The following ELMO1 variants were observed in gnomAD, a reference collection of about 807,000 sequenced individuals.
The protein encoded by ELMO1 is engulfment and cell motility protein 1.
A neutral mutation model predicts 98.9 loss-of-function variants in ELMO1; 26 were observed. That is an observed-to-expected ratio of 0.26 (90% CI 0.19 to 0.36). ELMO1 has a LOEUF of 0.36. Among genes scored for constraint, ELMO1 ranks in the 10% least tolerant of loss-of-function variants. The probability of loss-of-function intolerance (pLI) is 1.00; values close to 1 mark genes in which losing one functional copy is unlikely to be tolerated. For synonymous variants in ELMO1, 346 were observed against 346.0 expected (o/e 1.00, Z 0.00); for missense variants, 627 against 935.2 (o/e 0.67, Z 4.30).
At chr7:37,069,240 G>A (rs1469056591) in intron 15 of ELMO1, among the ~76,000 whole-genome samples, 4 of 151,586 alleles carry the variant, frequency 2.6e-5, no homozygotes, top group African/African-American at 4.9e-5. Context: ...AGAGACAAAA[G>A]GAATACATTA....
At chr7:37,327,301 C>T (rs1799869896) in intron 2 of ELMO1, among the ~76,000 whole-genome samples, 1 of 152,182 alleles carries the variant, frequency 6.6e-6, no homozygotes, top group African/African-American at 2.4e-5. Context: ...GTCAAGTTCA[C>T]CTTTGTAAAA....
Position 37,085,694 on chromosome 7 carries a change from G to A in ELMO1, c.1300+10925C>T, listed in dbSNP as rs569710436. Among the ~76,000 whole-genome samples the A allele has an allele frequency of 5.9e-5, 9 of 152,288 alleles. No individual in the cohort carries two copies. The East Asian group carries it at 1.4e-3, about 23-fold the overall frequency. On this transcript the variant is annotated intron_variant, in intron 15 of 21. Coordinates refer to ENST00000310758, the MANE Select transcript of ELMO1 (RefSeq NM_014800.11). ...CAAGCTTGAGATTTAGAAGAGACTG[G>A]CATCTCTGGAACTAGGGAAAGATGG... is the stretch of plus-strand genomic sequence containing the variant.
At chr7:37,098,675 G>A (rs1265409873) in intron 14 of ELMO1, among the ~76,000 whole-genome samples, 1 of 152,132 alleles carries the variant, frequency 6.6e-6, no homozygotes, top group East Asian at 1.9e-4. Flanking sequence ...TTCCTTTTCA[G>A]GGAAACCATT....
At chr7:37,265,523 T>C (rs1388335545) in intron 5 of ELMO1, among the ~76,000 whole-genome samples, 1 of 152,090 alleles carries the variant, frequency 6.6e-6, no homozygotes, top group Admixed American at 6.5e-5. Context: ...GCCTCCGTTC[T>C]ACCTCCTATT....
intron 1 of ELMO1, among the ~76,000 whole-genome samples, chr7:37,358,404 G>C (rs2131318923): frequency 6.6e-6 from 1 of 152,218 alleles, no homozygotes; most frequent in African/African-American, 2.4e-5. Flanking sequence ...CACAAATACA[G>C]ACACACAAAT....
intron 13 of ELMO1, among the ~76,000 whole-genome samples, chr7:37,178,891 C>T (rs1035377905): frequency 6.6e-6 from 1 of 152,228 alleles, no homozygotes; most frequent in East Asian, 1.9e-4. Flanking sequence ...GAGAAGCTGT[C>T]GCAGGTTGAA....
intron 15 of ELMO1, among the ~76,000 whole-genome samples, chr7:37,017,385 T>C (rs755179734): frequency 2.6e-5 from 4 of 152,224 alleles, no homozygotes; most frequent in South Asian, 4.1e-4. Flanking sequence ...CTGGGTTTCA[T>C]GTTAATAGAA....
chr7:37,136,956 C>T (rs1418001251), intron 13 of ELMO1, among the ~76,000 whole-genome samples: 1 of 152,158 alleles, frequency 6.6e-6, no homozygotes, highest in African/African-American at 2.4e-5. Flanking sequence ...CAATGCTTCA[C>T]TTAAAAGGTA....
chr7:37,093,975 A>G (rs192004755), intron 15 of ELMO1, among the ~76,000 whole-genome samples: 8 of 152,254 alleles, frequency 5.3e-5, no homozygotes, highest in Non-Finnish European at 1.2e-4. Flanking sequence ...AACTCATAGG[A>G]AAAAGTATCA....
intron 15 of ELMO1, among the ~76,000 whole-genome samples, chr7:37,085,240 A>G (rs1783699174): frequency 6.6e-6 from 1 of 152,226 alleles, no homozygotes; most frequent in Non-Finnish European, 1.5e-5. Context: ...TAACTACTGC[A>G]GACTCCCTGA....
At chr7:37,109,977 C>T (rs1785159730) in intron 14 of ELMO1, among the ~76,000 whole-genome samples, 1 of 152,178 alleles carries the variant, frequency 6.6e-6, no homozygotes. Context: ...AATGAACGCT[C>T]GTGGTTTTTA....
chr7:37,248,225 T>C (rs1223078083), intron 6 of ELMO1, among the ~76,000 whole-genome samples: 1 of 152,050 alleles, frequency 6.6e-6, no homozygotes, highest in Admixed American at 6.6e-5. Context: ...TGTCTCAATA[T>C]ACCTATTTTT....
intron 15 of ELMO1, among the ~76,000 whole-genome samples, chr7:37,029,287 C>T: frequency 6.6e-6 from 1 of 152,136 alleles, no homozygotes; most frequent in East Asian, 1.9e-4. Context: ...TTGATCCTGA[C>T]TGATCACATA....
intron 16 of ELMO1, among the ~76,000 whole-genome samples, chr7:36,908,377 T>C (rs188944546): frequency 6.6e-6 from 1 of 152,366 alleles, no homozygotes; most frequent in Admixed American, 6.5e-5. Flanking sequence ...TAAGGAACTT[T>C]CTTAGAATTA....
chr7:36,924,230 C>G (rs757955690), intron 16 of ELMO1, among the ~76,000 whole-genome samples: 1 of 152,182 alleles, frequency 6.6e-6, no homozygotes, highest in East Asian at 1.9e-4. Context: ...TTTAGCTCAT[C>G]TTTCCTAGGA....
At chr7:37,316,318 C>G (rs1799154557) in intron 2 of ELMO1, among the ~76,000 whole-genome samples, 1 of 152,190 alleles carries the variant, frequency 6.6e-6, no homozygotes, top group Admixed American at 6.5e-5. Flanking sequence ...CAGAATCCCT[C>G]AGGAGTAGTA....
chr7:37,273,598 G>A (rs754711810), intron 4 of ELMO1, among the ~76,000 whole-genome samples: 1 of 152,190 alleles, frequency 6.6e-6, no homozygotes, highest in Non-Finnish European at 1.5e-5. Context: ...TGACATTGAA[G>A]ATAGAATTTC....
rs373140157 is a variant in ELMO1 at position 37,019,734 on chromosome 7, G to A, written c.1301-6299C>T. ...TTCAATGGGACAAAAATAGTAAGAC[G>A]TTTAAAAACGAAATTGTTTTAATCA... On this transcript the variant is annotated intron_variant, in intron 15 of 21. Transcript: ENST00000310758. Among the ~76,000 whole-genome samples the A allele has an allele frequency of 6.0e-4, 92 of 152,170 alleles. No individual in the cohort carries two copies. The South Asian group carries it at 0.016, about 27-fold the overall frequency.
chr7:37,103,330 T>C (rs1784743210), intron 14 of ELMO1, among the ~76,000 whole-genome samples: 1 of 152,152 alleles, frequency 6.6e-6, no homozygotes, highest in Non-Finnish European at 1.5e-5. Flanking sequence ...GATGAAATCA[T>C]ATTTCTGACT....
Sources: gnomAD v4.1 joint callset for allele counts (sites outside exome capture counted in the v4.1 genomes callset) on GRCh38, gnomAD v4.1.1 for gene constraint, MANE v1.5 for transcripts, NCBI Gene and HGNC (gene_info 2026-07-23, HGNC 2026-07-21) for gene names.